The following MMS22L variants were observed in gnomAD, a reference collection of about 807,000 sequenced individuals.
The protein encoded by MMS22L is MMS22 like, DNA repair protein.
MMS22L carries 74 observed loss-of-function variants against 159.1 expected under a neutral mutation model. That is an observed-to-expected ratio of 0.47 (90% CI 0.39 to 0.56). MMS22L has a LOEUF of 0.56. Ranked by LOEUF, MMS22L falls within the 20% of genes least tolerant of loss-of-function variation. MMS22L has a pLI of 0.00. For missense variants in MMS22L, 1,351 were observed against 1,422.1 expected (o/e 0.95, Z 0.80); for synonymous variants, 517 against 506.9 (o/e 1.02, Z -0.27).
At position 97,265,787 on chromosome 6, in the gene MMS22L, T is replaced by C. The variant is rs570889709; in HGVS notation, c.828+2085A>G. 109 of 151,646 alleles carry C rather than the reference T, an allele frequency of 7.2e-4. 1 individual carries two copies. The highest frequency in any genetic ancestry group is 2.5e-3 in the African/African-American group (103 of 41,358). 9.4% of individuals were successfully genotyped at this position (151,646 alleles called of 1,614,324 possible). ...GGAGTGCAGTGGCACAATATCGCAA[T>C]ATTGGCACACTGCAACCTGCGCCTC... On this transcript the variant is annotated intron_variant, in intron 8 of 24. Transcript: ENST00000683635.
At chr6:97,226,424 G>C (rs1292539208) in intron 14 of MMS22L, among the ~76,000 whole-genome samples, 1 of 152,008 alleles carries the variant, frequency 6.6e-6, no homozygotes, top group Non-Finnish European at 1.5e-5. Context: ...GTGAAATCCT[G>C]CTTCTATTAA....
chr6:97,179,607 A>C (rs1804495097), intron 16 of MMS22L, 48 bp from the exon 17 acceptor site: 1 of 1,523,730 alleles, frequency 6.6e-7, no homozygotes, highest in African/African-American at 1.4e-5. Flanking sequence ...ACGTTTCCTG[A>C]GTATAGAGAT....
chr6:97,256,352 C>T (rs986228721), intron 9 of MMS22L, among the ~76,000 whole-genome samples: 4 of 152,000 alleles, frequency 2.6e-5, no homozygotes, highest in African/African-American at 7.2e-5. Context: ...GTGCTTTAGC[C>T]GTTTTTTAAT....
intron 14 of MMS22L, among the ~76,000 whole-genome samples, chr6:97,196,250 G>T (rs1461863184): frequency 6.6e-6 from 1 of 152,040 alleles, no homozygotes; most frequent in East Asian, 1.9e-4. Context: ...TAAAAAACAG[G>T]ATTCAAAGAA....
chr6:97,229,325 T>C lies in MMS22L; in HGVS notation c.1608A>G (p.Leu536=), dbSNP rs755065071. Residue 536 remains leucine (L), a synonymous_variant, in exon 14 of 25, where the codon CTA becomes CTG. Coordinates refer to ENST00000683635, the MANE Select transcript of MMS22L (RefSeq NM_001350599.2). ...VGLQNFFSLF[L]LLAAVAEVED... ...CTACCTCTGCAACAGCTGCTAACAG[T>C]AGAAAAAGGCTAAAAAAGTTCTGTA... is the stretch of plus-strand genomic sequence containing the variant. The C allele has an allele frequency of 1.9e-6, 3 of 1,613,168 alleles. No individual in the cohort carries two copies. The highest frequency in any genetic ancestry group is 2.5e-6 in the Non-Finnish European group (3 of 1,179,782).
intron 11 of MMS22L, among the ~76,000 whole-genome samples, chr6:97,236,954 A>T (rs1188536382): frequency 6.7e-6 from 1 of 148,996 alleles, no homozygotes; most frequent in Non-Finnish European, 1.5e-5. Context: ...CCGCCTCAGA[A>T]AAAAAAAAAA....
chr6:97,272,612 G>T, intron 6 of MMS22L, 92 bp downstream of exon 6: 1 of 1,168,352 alleles, frequency 8.6e-7, no homozygotes, highest in Non-Finnish European at 1.2e-6. Flanking sequence ...TTCCAGAGCT[G>T]TAATTCTGAC....
chr6:97,166,980 G>A (rs548178837), intron 20 of MMS22L, among the ~76,000 whole-genome samples: 5 of 152,068 alleles, frequency 3.3e-5, no homozygotes, highest in Non-Finnish European at 4.4e-5. Flanking sequence ...TTAAAACTCT[G>A]TTAAGAAATA....
chr6:97,215,242 C>T (rs1237333572), intron 14 of MMS22L, among the ~76,000 whole-genome samples: 1 of 151,846 alleles, frequency 6.6e-6, no homozygotes, highest in Non-Finnish European at 1.5e-5. Flanking sequence ...CAGTAGGAGG[C>T]AGCAATGACT....
At chr6:97,233,050 C>G (rs1811033132) in intron 12 of MMS22L, among the ~76,000 whole-genome samples, 1 of 151,484 alleles carries the variant, frequency 6.6e-6, no homozygotes, top group Admixed American at 6.6e-5. Context: ...GTACCCAATT[C>G]ATTTACACCA....
At chr6:97,149,603 A>G (rs977434073) in intron 24 of MMS22L, among the ~76,000 whole-genome samples, 3 of 152,222 alleles carry the variant, frequency 2.0e-5, no homozygotes, top group African/African-American at 7.2e-5. Flanking sequence ...TGAAATATAC[A>G]GCTTTCTAAA....
rs1198295468 is a variant in MMS22L, at chr6:97,162,240, A to T, written c.3222-75T>A. On this transcript the variant is annotated intron_variant, in intron 21 of 24. Coordinates refer to ENST00000683635, the MANE Select transcript of MMS22L (RefSeq NM_001350599.2). ...CAAGACCAAATGGCATATAATTTAAAGATATTGGCAAAATTTACCCCCCAA... is the reference window on the plus strand; with the variant it reads ...CAAGACCAAATGGCATATAATTTAATGATATTGGCAAAATTTACCCCCCAA... 23 of 1,326,590 alleles carry T rather than the reference A, an allele frequency of 1.7e-5. No individual in the cohort carries two copies. The South Asian group carries it at 2.5e-4, about 14-fold the overall frequency. The allele number at this position is 1,326,590 out of a possible 1,614,324, so 82.2% of individuals were successfully genotyped here. A position where few individuals can be genotyped will look rare whatever the true frequency, so the allele number is the denominator to read the frequency against.
Position 97,168,481 on chromosome 6 carries a change from A to G in MMS22L, c.2840-241T>C, listed in dbSNP as rs186754155. On this transcript the variant is annotated intron_variant, in intron 19 of 24. Coordinates refer to ENST00000683635, the MANE Select transcript of MMS22L (RefSeq NM_001350599.2). ...ATTTTCCGAGCAACTGGCATTTAAT[A>G]TATACACTGGTTAAGTATCCCTAAT... Among the ~76,000 whole-genome samples the G allele has an allele frequency of 4.5e-3, 679 of 152,224 alleles. 4 individuals are homozygous for G. The highest frequency in any genetic ancestry group is 0.015 in the African/African-American group (632 of 41,562).
intron 22 of MMS22L, among the ~76,000 whole-genome samples, chr6:97,156,467 T>G (rs149170499): frequency 0.018 from 2,769 of 152,340 alleles, 83 homozygotes; most frequent in African/African-American, 0.063. Context: ...CGTTTAAGTC[T>G]TTAATCCATC....
intron 18 of MMS22L, among the ~76,000 whole-genome samples, chr6:97,176,467 A>AAATT (rs1231910614): frequency 6.6e-6 from 1 of 152,130 alleles, no homozygotes; most frequent in Non-Finnish European, 1.5e-5. Context: ...TGCTACTCTT[A>AAATT]AAATGTCCTG....
intron 14 of MMS22L, among the ~76,000 whole-genome samples, chr6:97,190,232 T>C (rs1805727303): frequency 6.6e-6 from 1 of 152,322 alleles, no homozygotes; most frequent in Non-Finnish European, 1.5e-5. Flanking sequence ...GTAATATAGT[T>C]CTAGGTGATG....
rs552069740 is a variant in MMS22L, at chr6:97,177,313, C to G, written c.2679+1130G>C. Among the ~76,000 whole-genome samples, 20 of 152,238 alleles carry G rather than the reference C, an allele frequency of 1.3e-4. No individual in the cohort carries two copies. The South Asian group carries it at 4.1e-3, about 32-fold the overall frequency. ...ACCTACTGATTGATCTGTCAACCAACTGGCACTTAGCATATAATGCCTTGT... is the reference window on the plus strand; with the variant it reads ...ACCTACTGATTGATCTGTCAACCAAGTGGCACTTAGCATATAATGCCTTGT... On this transcript the variant is annotated intron_variant, in intron 18 of 24. Coordinates refer to ENST00000683635, the MANE Select transcript of MMS22L (RefSeq NM_001350599.2).
At position 97,231,209 on chromosome 6, in the gene MMS22L, A is replaced by G. The variant is rs1810825982; in HGVS notation, c.1529+217T>C. 3 of 489,898 alleles carry G rather than the reference A, an allele frequency of 6.1e-6. No homozygotes were observed. In the East Asian group the frequency reaches 1.0e-4, roughly 17 times the overall value. 30.3% of individuals were successfully genotyped at this position (489,898 alleles called of 1,614,324 possible). On this transcript the variant is annotated intron_variant, in intron 13 of 24. Transcript: ENST00000683635. ...CAGTGCTTGTGAACCGCTGGGCTCA[A>G]AGAACACAAAAGTTTTATATGTTGA...
chr6:97,205,754 T>G (rs1018748348), intron 14 of MMS22L, among the ~76,000 whole-genome samples: 1 of 152,206 alleles, frequency 6.6e-6, no homozygotes, highest in Non-Finnish European at 1.5e-5. Flanking sequence ...ACACATTAGC[T>G]GACCCAATCA....
Sources: gnomAD v4.1 joint callset for allele counts (sites outside exome capture counted in the v4.1 genomes callset) on GRCh38, gnomAD v4.1.1 for gene constraint, MANE v1.5 for transcripts, NCBI Gene and HGNC (gene_info 2026-07-23, HGNC 2026-07-21) for gene names.